The following ASB18 variants were observed in gnomAD, a reference collection of about 807,000 sequenced individuals.
The protein encoded by ASB18 is ankyrin repeat and SOCS box containing 18.
ASB18 carries 33 observed loss-of-function variants against 33.4 expected under a neutral mutation model. The ratio of observed to expected loss-of-function variants is 0.99; its 90% CI spans 0.75 to 1.32. The LOEUF (loss-of-function observed/expected upper bound fraction) is 1.32, where lower values mean the gene tolerates loss of function less well. ASB18 is among the 40% of genes most tolerant of loss of function. ASB18 has a pLI of 0.00. For missense variants in ASB18, 694 were observed against 655.5 expected, an observed-to-expected ratio of 1.06 and a Z score of -0.64; for synonymous variants, 295 against 307.6, an observed-to-expected ratio of 0.96 and a Z score of 0.43.
chr2:236,222,210 TG>T lies in ASB18; in HGVS notation c.597-7345del, dbSNP rs2060516144. On this transcript the variant is annotated intron_variant, in intron 3 of 5. Coordinates refer to ENST00000409749, the MANE Select transcript of ASB18 (RefSeq NM_212556.4). The surrounding 1 kb of genome is among the most constrained non-coding windows in gnomAD (Gnocchi z 5.5). The stretch of plus-strand genomic sequence containing the variant: ...ATCTTCCATCTACCCCTTTCTGTTC[TG>T]CATTTTCTTTTCTCTCCCTCTCTCC... Among the ~76,000 whole-genome samples, 1 of 152,222 alleles carries T rather than the reference TG, an allele frequency of 6.6e-6. No homozygotes were observed.
chr2:236,213,333 T>C lies in ASB18; in HGVS notation c.1101+1029A>G, dbSNP rs945766844. 1.3e-5 allele frequency among the ~76,000 whole-genome samples: 2 copies of C among 152,192 alleles called. No homozygotes were observed. The highest frequency in any genetic ancestry group is 2.1e-4 in the South Asian group (1 of 4,808). On this transcript the variant is annotated intron_variant, in intron 4 of 5. Transcript: ENST00000409749. The surrounding 1 kb of genome is among the most constrained non-coding windows in gnomAD (Gnocchi z 4.8). Reference sequence around the variant, plus strand: ...CTCTGAACGCATCTATAATGGAAAGTTAGCATTTGAGAGAAATGAGTGAAT... The same window carrying C: ...CTCTGAACGCATCTATAATGGAAAGCTAGCATTTGAGAGAAATGAGTGAAT...
rs1284685784 is a variant in ASB18, at chr2:236,249,181, G to C, written c.206-7779C>G. 1 of 152,182 alleles carries C rather than the reference G, an allele frequency of 6.6e-6. No homozygotes were observed. The highest frequency in any genetic ancestry group is 2.4e-5 in the African/African-American group (1 of 41,452). The allele number at this position is 152,182 out of a possible 1,614,324, so 9.4% of individuals were successfully genotyped here. A position where few individuals can be genotyped will look rare whatever the true frequency, so the allele number is the denominator to read the frequency against. ...GGGACTCTTGGCTTTGTAGAACTGA[G>C]AGTCCCTCTGAGAACTCCAGAGAGC... is the stretch of plus-strand genomic sequence containing the variant. On this transcript the variant is annotated intron_variant, in intron 1 of 5. Transcript: ENST00000409749. This position sits in a 1 kb window ranked among gnomAD's most constrained non-coding sequence, Gnocchi z 4.6.
In ASB18 at chr2:236,214,903, C is replaced by T; in HGVS notation, c.597-37G>A. The T allele has an allele frequency of 8.3e-7, 1 of 1,205,478 alleles. No homozygotes were observed. 74.7% of individuals were successfully genotyped at this position (1,205,478 alleles called of 1,614,324 possible). A position where few individuals can be genotyped will look rare whatever the true frequency, so the allele number is the denominator to read the frequency against. The stretch of plus-strand genomic sequence containing the variant: ...CAGGGCCTGTCACTCGGGCGCCACG[C>T]AGGACGCCCGCACCCTTCCACCCCC... On this transcript the variant is annotated intron_variant, in intron 3 of 5. Coordinates refer to ENST00000409749, the MANE Select transcript of ASB18 (RefSeq NM_212556.4). This position sits in a 1 kb window ranked among gnomAD's most constrained non-coding sequence, Gnocchi z 6.5.
At chr2:236,227,373 C>T (rs1365819693) in intron 3 of ASB18, among the ~76,000 whole-genome samples, 3 of 152,206 alleles carry the variant, frequency 2.0e-5, no homozygotes, top group Non-Finnish European at 4.4e-5. Flanking sequence ...AGTGATTAGA[C>T]ATGAGGCCCC....
intron 1 of ASB18, chr2:236,247,817 A>C (rs1025472276): frequency 6.6e-6 from 1 of 152,256 alleles, no homozygotes; most frequent in African/African-American, 2.4e-5. Context: ...AAGGACCAGA[A>C]GACTAGAGGT....
rs1375084845 is a variant in ASB18, at chr2:236,211,030, G to A, written c.1101+3332C>T. 3.3e-5 allele frequency among the ~76,000 whole-genome samples: 5 copies of A among 152,198 alleles called. No individual in the cohort carries two copies. The highest frequency in any genetic ancestry group is 2.6e-4 in the Admixed American group (4 of 15,282). ...GACTTCATGACTGTTTCACAGATTC[G>A]TATTCCAGGTAAGGAGAGGCTGAAG... On this transcript the variant is annotated intron_variant, in intron 4 of 5. Transcript: ENST00000409749. This position sits in a 1 kb window ranked among gnomAD's most constrained non-coding sequence, Gnocchi z 5.0.
Position 236,237,010 on chromosome 2 carries a change from G to A in ASB18, c.596+679C>T, listed in dbSNP as rs1253889729. 6.6e-6 allele frequency among the ~76,000 whole-genome samples: 1 copy of A among 152,098 alleles called. No homozygotes were observed. Among genetic ancestry groups the A allele is most frequent in the African/African-American group, 2.4e-5 (1 of 41,440 alleles). On this transcript the variant is annotated intron_variant, in intron 3 of 5. Coordinates refer to ENST00000409749, the MANE Select transcript of ASB18 (RefSeq NM_212556.4). The surrounding 1 kb of genome is among the most constrained non-coding windows in gnomAD (Gnocchi z 6.2). ...GACCCGGAGCACACGCTGGGAGGGC[G>A]CTCTCTGGGGACGGGGGCTGCGGGA...
At chr2:236,218,036 C>G (rs1480499820) in intron 3 of ASB18, among the ~76,000 whole-genome samples, 1 of 152,224 alleles carries the variant, frequency 6.6e-6, no homozygotes, top group African/African-American at 2.4e-5. Context: ...CTCAGCCTCT[C>G]TAAAGAAGTC....
chr2:236,259,568 C>T lies in ASB18; in HGVS notation c.205+4573G>A, dbSNP rs765924752. ...GGCCTTCCAGTGGACGTGACCTCCC[C>T]TGCATGGGGTCGGAAGGATGAGATG... is the stretch of plus-strand genomic sequence containing the variant. On this transcript the variant is annotated intron_variant, in intron 1 of 5. Transcript: ENST00000409749. This position sits in a 1 kb window ranked among gnomAD's most constrained non-coding sequence, Gnocchi z 4.4. 2.1e-6 allele frequency: 1 copy of T among 471,200 alleles called. No individual in the cohort carries two copies. The highest frequency in any genetic ancestry group is 1.5e-5 in the South Asian group (1 of 64,546). The allele number at this position is 471,200 out of a possible 1,614,324, so 29.2% of individuals were successfully genotyped here.
Position 236,221,378 on chromosome 2 carries a change from C to T in ASB18, c.597-6512G>A, listed in dbSNP as rs1023237025. On this transcript the variant is annotated intron_variant, in intron 3 of 5. Transcript: ENST00000409749. This position sits in a 1 kb window ranked among gnomAD's most constrained non-coding sequence, Gnocchi z 5.6. ...ATCTCATATGGTTTGGTTGTGTCCC[C>T]ACCCAAATCTCACCTTGAGTTTTAC... Among the ~76,000 whole-genome samples the T allele has an allele frequency of 3.3e-5, 5 of 152,164 alleles. No homozygotes were observed. Among genetic ancestry groups the T allele is most frequent in the African/African-American group, 1.2e-4 (5 of 41,442 alleles).
chr2:236,254,932 G>C lies in ASB18; in HGVS notation c.205+9209C>G, dbSNP rs528788150. On this transcript the variant is annotated intron_variant, in intron 1 of 5. Coordinates refer to ENST00000409749, the MANE Select transcript of ASB18 (RefSeq NM_212556.4). Reference sequence around the variant, plus strand: ...TCCGCTTGGTGCTGTTCTCAAGATAGTGAGTTCTTGTGAGATCTGGTTGTT... The same window carrying C: ...TCCGCTTGGTGCTGTTCTCAAGATACTGAGTTCTTGTGAGATCTGGTTGTT... Among the ~76,000 whole-genome samples, 9 of 152,118 alleles carry C rather than the reference G, an allele frequency of 5.9e-5. 1 individual carries two copies. In the South Asian group the frequency reaches 1.9e-3, roughly 31 times the overall value.
Position 236,208,997 on chromosome 2 carries a change from C to T in ASB18, c.1101+5365G>A, listed in dbSNP as rs1477681942. 6.6e-6 allele frequency among the ~76,000 whole-genome samples: 1 copy of T among 152,126 alleles called. No homozygotes were observed. The highest frequency in any genetic ancestry group is 1.5e-5 in the Non-Finnish European group (1 of 68,022). On this transcript the variant is annotated intron_variant, in intron 4 of 5. Transcript: ENST00000409749. The surrounding 1 kb of genome is among the most constrained non-coding windows in gnomAD (Gnocchi z 7.7). ...AAATAAAACGACAGCAAGAAAAACA[C>T]AGGCGCCCTACTTATGATCTCCCCT...
chr2:236,193,500 A>T lies in ASB18; in HGVS notation c.*1372T>A, dbSNP rs1190133160. 6.6e-6 allele frequency among the ~76,000 whole-genome samples: 1 copy of T among 152,210 alleles called. No individual in the cohort carries two copies. The highest frequency in any genetic ancestry group is 1.5e-5 in the Non-Finnish European group (1 of 68,032). ...GTCATTTTATTATAACACCGATAAG[A>T]AACAAAACTGATTCGGCAGGGCATG... On this transcript the variant is annotated 3_prime_UTR_variant, in exon 6 of 6. Coordinates refer to ENST00000409749, the MANE Select transcript of ASB18 (RefSeq NM_212556.4). This position sits in a 1 kb window ranked among gnomAD's most constrained non-coding sequence, Gnocchi z 5.0.
chr2:236,210,607 C>G (rs945132651), intron 4 of ASB18: 6 of 152,224 alleles, frequency 3.9e-5, no homozygotes, highest in African/African-American at 1.4e-4. Context: ...GGCCTCTGCA[C>G]CACAGGAAAC....
Position 236,237,879 on chromosome 2 carries a change from CGCAGGCGGT to C in ASB18, c.397_405del (p.Thr133_Cys135del). On this transcript the variant is annotated inframe_deletion, in exon 3 of 6. Transcript: ENST00000409749. This position sits in a 1 kb window ranked among gnomAD's most constrained non-coding sequence, Gnocchi z 6.2. ...GCGCCGCGGCCGAGCAGGTGTCGCACGCAGGCGGTGTGGCCGTGGGCCGCGGCGATGCAC... is the reference window on the plus strand; with the variant it reads ...GCGCCGCGGCCGAGCAGGTGTCGCACGTGGCCGTGGGCCGCGGCGATGCAC... 6.7e-7 allele frequency: 1 copy of C among 1,487,674 alleles called. No homozygotes were observed. The highest frequency in any genetic ancestry group is 1.3e-5 in the South Asian group (1 of 79,690). The allele number at this position is 1,487,674 out of a possible 1,614,324, so 92.2% of individuals were successfully genotyped here.
chr2:236,237,694 C>G lies in ASB18; in HGVS notation c.591G>C (p.Ser197=), dbSNP rs747696824. Residue 197 remains serine (S), a synonymous_variant, in exon 3 of 6, where the codon TCG becomes TCC. Coordinates refer to ENST00000409749, the MANE Select transcript of ASB18 (RefSeq NM_212556.4). This position sits in a 1 kb window ranked among gnomAD's most constrained non-coding sequence, Gnocchi z 6.2. ...GCCTGTCCCGAGGTCCTTACCCGAG[C>G]GAGGCGGCCGTGCGGCAGAGGTGCA... The part of the protein sequence containing the change: ...APLHLCRTAA[S]LGCAQALLEH... 2 of 1,449,560 alleles carry G rather than the reference C, an allele frequency of 1.4e-6. No homozygotes were observed. Among genetic ancestry groups the G allele is most frequent in the Non-Finnish European group, 1.8e-6 (2 of 1,107,332 alleles). The allele number at this position is 1,449,560 out of a possible 1,614,324, so 89.8% of individuals were successfully genotyped here.
At position 236,226,223 on chromosome 2, in the gene ASB18, C is replaced by G. The variant is rs10205618; in HGVS notation, c.597-11357G>C. Among the ~76,000 whole-genome samples the G allele has an allele frequency of 0.023, 3,512 of 152,168 alleles. 153 individuals carry two copies. Among genetic ancestry groups the G allele is most frequent in the African/African-American group, 0.08 (3,321 of 41,520 alleles). On this transcript the variant is annotated intron_variant, in intron 3 of 5. Transcript: ENST00000409749. The surrounding 1 kb of genome is among the most constrained non-coding windows in gnomAD (Gnocchi z 4.8). ...GTTATTGTAGAGGTGTTCAATGGGA[C>G]CTGCCAGCATATTCCATTATCATCA... is the stretch of plus-strand genomic sequence containing the variant.
rs747403507 is a variant in ASB18, at chr2:236,217,421, A to ATAATAAT, written c.597-2556_597-2555insATTATTA. On this transcript the variant is annotated intron_variant, in intron 3 of 5. Coordinates refer to ENST00000409749, the MANE Select transcript of ASB18 (RefSeq NM_212556.4). This position sits in a 1 kb window ranked among gnomAD's most constrained non-coding sequence, Gnocchi z 5.2. ...GAGCGAGACTCTGTCTCAAAAAAAA[A>ATAATAAT]AAAAAATAAATCTTGGCACCTTCAA... Among the ~76,000 whole-genome samples the ATAATAAT allele has an allele frequency of 2.6e-3, 277 of 106,760 alleles. 2 individuals are homozygous for ATAATAAT. The highest frequency in any genetic ancestry group is 5.3e-3 in the Middle Eastern group (1 of 190). The allele number at this position is 106,760 out of a possible 152,430, so 70.0% of individuals were successfully genotyped here.
At chr2:236,199,411 CAAAAAAA>C (rs368012989) in intron 4 of ASB18, among the ~76,000 whole-genome samples, 3 of 113,158 alleles carry the variant, frequency 2.7e-5, no homozygotes, top group Non-Finnish European at 4.0e-5. Context: ...GACTCTGTTT[CAAAAAAA>C]AAAAAAAAAA....
Sources: allele counts gnomAD v4.1 joint callset (sites outside exome capture counted in the v4.1 genomes callset), GRCh38; gene constraint gnomAD v4.1.1; non-coding constraint Gnocchi (gnomAD v3.1); transcripts MANE v1.5; gene names NCBI Gene and HGNC (gene_info 2026-07-23, HGNC 2026-07-21).